Variants in ZBTB41 observed in about 807,000 individuals in gnomAD.
ZBTB41 encodes the protein zinc finger and BTB domain containing 41, also known as zinc finger and BTB domain-containing protein 41.
A neutral mutation model predicts 87.6 loss-of-function variants in ZBTB41; 42 were observed. The ratio of observed to expected loss-of-function variants is 0.48; its 90% CI spans 0.37 to 0.62. The LOEUF (loss-of-function observed/expected upper bound fraction) is 0.62, where lower values mean the gene tolerates loss of function less well. Ranked by LOEUF, ZBTB41 falls within the 20% of genes least tolerant of loss-of-function variation. ZBTB41 has a pLI of 0.00. For missense variants in ZBTB41, 799 were observed against 1,078.9 expected (o/e 0.74, Z 3.63); for synonymous variants, 364 against 364.0 (o/e 1.00, Z 0.00).
In ZBTB41 at chr1:197,199,809, A is replaced by G. The variant is rs1660263347; in HGVS notation, c.665T>C (p.Leu222Ser). 2 of 1,611,420 alleles carry G rather than the reference A, an allele frequency of 1.2e-6. No individual in the cohort carries two copies. The highest frequency in any genetic ancestry group is 1.7e-6 in the Non-Finnish European group (2 of 1,179,124). The change falls in exon 2 of 11, where the codon TTA becomes TCA. Residue 222 changes from leucine (L) to serine (S), a missense_variant. Leu to Ser is a moderately radical substitution (Grantham distance 145). Around this residue, in one of 5 missense-constraint regions of ZBTB41, gnomAD observed 294 missense variants for 340.1 expected, o/e 0.86. Transcript: ENST00000367405. ...CSRHFCYKKSLENHLAKTHRS... is the reference protein window; with the variant it reads ...CSRHFCYKKSSENHLAKTHRS... ...ATGGGTTTTAGCCAAATGATTCTCT[A>G]AAGACTTTTTATAACAAAAATGTCT... is the stretch of plus-strand genomic sequence containing the variant.
In ZBTB41 at chr1:197,199,726, C is replaced by A. The variant is rs1458266783; in HGVS notation, c.748G>T (p.Ala250Ser). 1.9e-6 allele frequency: 3 copies of A among 1,613,390 alleles called. No homozygotes were observed. Among genetic ancestry groups the A allele is most frequent in the Non-Finnish European group, 2.5e-6 (3 of 1,179,854 alleles). The change falls in exon 2 of 11, where the codon GCA becomes TCA. Residue 250 changes from alanine (A) to serine (S), a missense_variant. Ala to Ser is a moderately conservative substitution (Grantham distance 99). Transcript: ENST00000367405. ...TTCCGATTCCTTTTTGATCTTCTTGCGGAGAAACTTCTCTCCAGCATTTTT... is the reference window on the plus strand; with the variant it reads ...TTCCGATTCCTTTTTGATCTTCTTGAGGAGAAACTTCTCTCCAGCATTTTT... Reference protein sequence around the residue: ...GLKMLERSFSARRSKRNRKCP... With the variant: ...GLKMLERSFSSRRSKRNRKCP...
intron 5 of ZBTB41, among the ~76,000 whole-genome samples, chr1:197,186,643 C>T (rs1557984224): frequency 6.6e-6 from 1 of 152,136 alleles, no homozygotes; most frequent in African/African-American, 2.4e-5. Context: ...GGGTGGGTCA[C>T]CTGAGGTCAG....
chr1:197,163,601 G>A (rs974780465), intron 10 of ZBTB41, among the ~76,000 whole-genome samples: 15 of 151,406 alleles, frequency 9.9e-5, no homozygotes, highest in Admixed American at 9.2e-4. Context: ...TCAAGTCACA[G>A]ATTCAATAAA....
chr1:197,198,119 A>G (rs1411091857), intron 2 of ZBTB41, among the ~76,000 whole-genome samples: 1 of 152,234 alleles, frequency 6.6e-6, no homozygotes, highest in African/African-American at 2.4e-5. Flanking sequence ...ACAGTTCTAC[A>G]ACAGCATTTT....
At chr1:197,180,932 G>A (rs1291358211) in intron 6 of ZBTB41, 56 bp downstream of exon 6, 6 of 1,520,874 alleles carry the variant, frequency 3.9e-6, no homozygotes, top group Non-Finnish European at 4.4e-6. Flanking sequence ...CATATTGATT[G>A]ATTATTTCTA....
At chr1:197,197,582 A>AAGGAGGGAGGGAGGGAGGGC (rs1557989032) in intron 2 of ZBTB41, among the ~76,000 whole-genome samples, 1 of 142,546 alleles carries the variant, frequency 7.0e-6, no homozygotes, top group African/African-American at 2.5e-5. Context: ...GGAGGGAGGG[A>AAGGAGGGAGGGAGGGAGGGC]GCGAGGGAGG....
At chr1:197,167,910 T>C (rs1040847811) in intron 10 of ZBTB41, among the ~76,000 whole-genome samples, 4 of 152,108 alleles carry the variant, frequency 2.6e-5, no homozygotes, top group African/African-American at 9.7e-5. Context: ...AAGGTTTACT[T>C]CCCAACCCTG....
rs534603235 is a variant in ZBTB41 at position 197,158,745 on chromosome 1, T to C, written c.*614A>G. 8 of 152,266 alleles carry C rather than the reference T, an allele frequency of 5.3e-5. No individual in the cohort carries two copies. The South Asian group carries it at 1.7e-3, about 31-fold the overall frequency. The allele number at this position is 152,266 out of a possible 1,614,324, so 9.4% of individuals were successfully genotyped here. A position where few individuals can be genotyped will look rare whatever the true frequency, so the allele number is the denominator to read the frequency against. On this transcript the variant is annotated 3_prime_UTR_variant, in exon 11 of 11. Transcript: ENST00000367405. The stretch of plus-strand genomic sequence containing the variant: ...CAGTCCTACAAATAATAGCTAATCT[T>C]ACATTAGTTAAGCTTTCTGGCTTTG...
In ZBTB41 at chr1:197,186,766, A is replaced by T. The variant is rs141638583; in HGVS notation, c.1546+1526T>A. On this transcript the variant is annotated intron_variant, in intron 5 of 10. Transcript: ENST00000367405. ...GTAATCCCAGCTACTCTGGAGGCTG[A>T]GGCAGGAGAATCACTTGAACCTGGG... is the stretch of plus-strand genomic sequence containing the variant. Among the ~76,000 whole-genome samples the T allele has an allele frequency of 7.4e-3, 1,127 of 152,284 alleles. 13 individuals are homozygous for T. The highest frequency in any genetic ancestry group is 0.026 in the African/African-American group (1,071 of 41,550).
intron 2 of ZBTB41, among the ~76,000 whole-genome samples, chr1:197,197,286 A>G (rs1571672125): frequency 6.6e-6 from 1 of 152,156 alleles, no homozygotes; most frequent in Admixed American, 6.6e-5. Flanking sequence ...TTATATTACT[A>G]TAACTCAGGC....
chr1:197,160,350 T>C (rs2125121783), intron 10 of ZBTB41, among the ~76,000 whole-genome samples: 1 of 152,232 alleles, frequency 6.6e-6, no homozygotes, highest in East Asian at 1.9e-4. Flanking sequence ...AGTAGAGTAA[T>C]AGGGCTTAGC....
intron 5 of ZBTB41, among the ~76,000 whole-genome samples, chr1:197,184,834 G>A (rs949403109): frequency 2.4e-4 from 25 of 104,136 alleles, no homozygotes; most frequent in African/African-American, 6.9e-4. Flanking sequence ...ATATTTTTGA[G>A]ACAGAATTTC....
chr1:197,159,219 T>G lies in ZBTB41; in HGVS notation c.*140A>C. The G allele has an allele frequency of 1.3e-6, 1 of 778,816 alleles. No individual in the cohort carries two copies. The highest frequency in any genetic ancestry group is 1.9e-5 in the South Asian group (1 of 53,202). 48.2% of individuals were successfully genotyped at this position (778,816 alleles called of 1,614,324 possible). Reference sequence around the variant, plus strand: ...TTCATGTTCAGTAAACAGAGACACATAGTTTTCTTGATTTGAAACTGTTCT... The same window carrying G: ...TTCATGTTCAGTAAACAGAGACACAGAGTTTTCTTGATTTGAAACTGTTCT... On this transcript the variant is annotated 3_prime_UTR_variant, in exon 11 of 11. Transcript: ENST00000367405.
rs747119096 is a variant in ZBTB41, at chr1:197,175,153, C to T, written c.1880-38G>A. The T allele has an allele frequency of 2.0e-5, 31 of 1,544,578 alleles. No homozygotes were observed. The Middle Eastern group carries it at 8.5e-4, about 42-fold the overall frequency. ...ACCCAAATATTTTCATTATAATATA[C>T]ATCTCAGGTTTTTATCCCCAGAAAC... is the stretch of plus-strand genomic sequence containing the variant. On this transcript the variant is annotated intron_variant, in intron 8 of 10. Coordinates refer to ENST00000367405, the MANE Select transcript of ZBTB41 (RefSeq NM_194314.3).
intron 8 of ZBTB41, among the ~76,000 whole-genome samples, chr1:197,175,568 C>T (rs1202431470): frequency 6.6e-6 from 1 of 150,486 alleles, no homozygotes; most frequent in Non-Finnish European, 1.5e-5. Context: ...GAAGATTTTT[C>T]ATCTGTGAGG....
intron 10 of ZBTB41, among the ~76,000 whole-genome samples, chr1:197,169,518 T>C (rs75316856): frequency 1.3e-3 from 202 of 152,142 alleles, no homozygotes; most frequent in Non-Finnish European, 2.4e-3. Context: ...TTTGGTGCTA[T>C]TAATATAAGT....
At chr1:197,198,818 C>T (rs1457806710) in intron 2 of ZBTB41, among the ~76,000 whole-genome samples, 1 of 152,084 alleles carries the variant, frequency 6.6e-6, no homozygotes, top group Non-Finnish European at 1.5e-5. Context: ...AGGATACTAC[C>T]TAAAGTCTCT....
chr1:197,197,013 G>C (rs1375662147), intron 2 of ZBTB41, among the ~76,000 whole-genome samples: 1 of 152,118 alleles, frequency 6.6e-6, no homozygotes, highest in Non-Finnish European at 1.5e-5. Context: ...CTTGATGACA[G>C]AGAATATATC....
In ZBTB41 at chr1:197,191,750, A is replaced by C; in HGVS notation, c.1270T>G (p.Cys424Gly). ...ETEFHKKEHK[C>G]PYCNKLHASK... ...GCATGAAGTTTATTACAATAAGGGC[A>C]CTTGTGCTCCTTCTTATGAAATTCT... is the stretch of plus-strand genomic sequence containing the variant. Residue 424 changes from cysteine to glycine, a missense_variant, in exon 3 of 11, where the codon TGC becomes GGC. Physicochemically the swap from Cys to Gly is radical, Grantham distance 159. Around this residue, in one of 5 missense-constraint regions of ZBTB41, gnomAD observed 294 missense variants for 340.1 expected, o/e 0.86. Coordinates refer to ENST00000367405, the MANE Select transcript of ZBTB41 (RefSeq NM_194314.3). 2 of 1,613,752 alleles carry C rather than the reference A, an allele frequency of 1.2e-6. No homozygotes were observed. Among genetic ancestry groups the C allele is most frequent in the Non-Finnish European group, 1.7e-6 (2 of 1,179,870 alleles).
Sources: gnomAD v4.1 joint callset for allele counts (sites outside exome capture counted in the v4.1 genomes callset) on GRCh38, gnomAD v4.1.1 for gene constraint, gnomAD v4.1.1 regional missense constraint, MANE v1.5 for transcripts, NCBI Gene and HGNC (gene_info 2026-07-23, HGNC 2026-07-21) for gene names.